Variants in PDE10A observed in about 807,000 individuals in gnomAD.
The protein encoded by PDE10A is cAMP and cAMP-inhibited cGMP 3',5'-cyclic phosphodiesterase 10A.
A neutral mutation model predicts 97.7 loss-of-function variants in PDE10A; 39 were observed. The observed-to-expected ratio is 0.40, with a 90% CI of 0.31 to 0.52. The LOEUF is 0.52. Among genes scored for constraint, PDE10A ranks in the 20% least tolerant of loss-of-function variants. The probability of loss-of-function intolerance (pLI) is 0.56; values close to 1 mark genes in which losing one functional copy is unlikely to be tolerated. For missense variants in PDE10A, 731 were observed against 1,047.8 expected, an observed-to-expected ratio of 0.70 and a Z score of 4.17; for synonymous variants, 371 against 376.8, an observed-to-expected ratio of 0.98 and a Z score of 0.18.
rs973879600 is a variant in PDE10A at position 165,794,967 on chromosome 6, A to T, written c.-615+192562T>A. On this transcript the variant is annotated intron_variant, in intron 1 of 19. Coordinates refer to the PDE10A transcript ENST00000366882. ...CAATCCTATTATAGAAAAATATTCA[A>T]ATTATATAGATACTCTATTATAAAA... Among the ~76,000 whole-genome samples the T allele has an allele frequency of 3.9e-5, 6 of 152,376 alleles. No individual in the cohort carries two copies. The South Asian group carries it at 1.2e-3, about 32-fold the overall frequency.
At chr6:165,429,265 T>C (rs1298299733) in intron 9 of PDE10A, among the ~76,000 whole-genome samples, 1 of 151,962 alleles carries the variant, frequency 6.6e-6, no homozygotes, top group Non-Finnish European at 1.5e-5. Flanking sequence ...AGCGAGTAAA[T>C]GTTTCAGAGG....
At chr6:165,464,023 A>T (rs1778487944) in intron 3 of PDE10A, among the ~76,000 whole-genome samples, 1 of 152,206 alleles carries the variant, frequency 6.6e-6, no homozygotes. Context: ...GCTTGCTGTT[A>T]ATAAATATGT....
chr6:165,460,477 A>T (rs903428872), intron 3 of PDE10A, among the ~76,000 whole-genome samples: 2 of 152,228 alleles, frequency 1.3e-5, no homozygotes, highest in African/African-American at 4.8e-5. Context: ...CTTATTGGGT[A>T]AATCAAATTG....
At chr6:165,960,570 G>A (rs755198366) in intron 1 of PDE10A, among the ~76,000 whole-genome samples, 1 of 152,220 alleles carries the variant, frequency 6.6e-6, no homozygotes, top group Non-Finnish European at 1.5e-5. Flanking sequence ...AGACAAGCCT[G>A]TAGTCTTGAA....
intron 1 of PDE10A, among the ~76,000 whole-genome samples, chr6:165,644,885 T>C (rs1789313552): frequency 6.6e-6 from 1 of 152,212 alleles, no homozygotes. Flanking sequence ...TTGTCTGGAT[T>C]TACGTTGATC....
chr6:165,578,158 C>T (rs1319065437), intron 1 of PDE10A, among the ~76,000 whole-genome samples: 4 of 152,266 alleles, frequency 2.6e-5, no homozygotes, highest in East Asian at 1.9e-4. Flanking sequence ...ATGCTCAGGG[C>T]GGCCAGCCTC....
intron 1 of PDE10A, among the ~76,000 whole-genome samples, chr6:165,640,961 T>A (rs571792782): frequency 4.6e-5 from 7 of 152,350 alleles, no homozygotes; most frequent in South Asian, 4.1e-4. Flanking sequence ...CACTATATAG[T>A]GTCCATGCAG....
At chr6:165,878,373 G>A (rs907200750) in intron 1 of PDE10A, among the ~76,000 whole-genome samples, 16 of 152,298 alleles carry the variant, frequency 1.1e-4, no homozygotes, top group Non-Finnish European at 2.2e-4. Flanking sequence ...ACTATCATCA[G>A]GGATTATTTT....
intron 1 of PDE10A, among the ~76,000 whole-genome samples, chr6:165,623,244 G>C (rs993274932): frequency 1.3e-5 from 2 of 151,996 alleles, no homozygotes; most frequent in African/African-American, 4.8e-5. Flanking sequence ...TCCTGCCTCA[G>C]CCTCCCGAGT....
intron 1 of PDE10A, among the ~76,000 whole-genome samples, chr6:165,813,386 A>G (rs903748045): frequency 2.0e-5 from 3 of 147,750 alleles, no homozygotes; most frequent in African/African-American, 5.0e-5. Flanking sequence ...TGGGAACCGC[A>G]TATGTTATGG....
chr6:165,699,924 GGAA>G (rs1256830734), intron 1 of PDE10A, among the ~76,000 whole-genome samples: 8 of 151,874 alleles, frequency 5.3e-5, no homozygotes, highest in African/African-American at 1.9e-4. Context: ...TTAAGACACA[GGAA>G]GAAGAAGAGC....
intron 16 of PDE10A, among the ~76,000 whole-genome samples, chr6:165,391,399 A>G (rs1017703227): frequency 1.3e-5 from 2 of 152,194 alleles, no homozygotes; most frequent in African/African-American, 4.8e-5. Flanking sequence ...TTTTGAATAT[A>G]AATTACAATG....
At chr6:165,709,756 A>C (rs891722919) in intron 1 of PDE10A, among the ~76,000 whole-genome samples, 1 of 135,736 alleles carries the variant, frequency 7.4e-6, no homozygotes, top group Non-Finnish European at 1.5e-5. Context: ...TCCCTCTGCG[A>C]GCCGCAACCA....
intron 12 of PDE10A, 107 bp downstream of exon 12, chr6:165,416,082 A>G (rs1788289289): frequency 1.4e-6 from 1 of 736,718 alleles, no homozygotes; most frequent in South Asian, 1.6e-5. Context: ...CTAAGGAAGA[A>G]AGAACTGAAT....
Position 165,819,720 on chromosome 6 carries a change from C to G in PDE10A, c.-615+167809G>C, listed in dbSNP as rs1334578209. Among the ~76,000 whole-genome samples the G allele has an allele frequency of 6.6e-6, 1 of 152,194 alleles. No individual in the cohort carries two copies. Among genetic ancestry groups the G allele is most frequent in the Non-Finnish European group, 1.5e-5 (1 of 68,040 alleles). On this transcript the variant is annotated intron_variant, in intron 1 of 19. Transcript: ENST00000366882. The surrounding 1 kb of genome is among the most constrained non-coding windows in gnomAD (Gnocchi z 4.2). Reference sequence around the variant, plus strand: ...CTGTGCACCACGTACTCCTCACCCGCCCTCCCGCTGTGAGCACATTCCGGC... The same window carrying G: ...CTGTGCACCACGTACTCCTCACCCGGCCTCCCGCTGTGAGCACATTCCGGC...
intron 1 of PDE10A, among the ~76,000 whole-genome samples, chr6:165,901,666 G>T (rs1453764617): frequency 6.6e-6 from 1 of 152,162 alleles, no homozygotes; most frequent in Non-Finnish European, 1.5e-5. Context: ...GCCACGCATG[G>T]TGGCACATGC....
chr6:165,621,380 T>C (rs772584026), intron 1 of PDE10A, among the ~76,000 whole-genome samples: 9 of 152,090 alleles, frequency 5.9e-5, no homozygotes, highest in Non-Finnish European at 1.2e-4. Context: ...AAGTCAAACC[T>C]ATTCTTTCTG....
At chr6:165,578,820 CT>C (rs1278077913) in intron 1 of PDE10A, among the ~76,000 whole-genome samples, 1 of 152,204 alleles carries the variant, frequency 6.6e-6, no homozygotes, top group Non-Finnish European at 1.5e-5. Flanking sequence ...AATGAAACCA[CT>C]GCTGCTCCCC....
chr6:165,978,616 G>C lies in PDE10A; in HGVS notation c.-615+8913C>G, dbSNP rs144411677. 3.7e-3 allele frequency among the ~76,000 whole-genome samples: 565 copies of C among 152,292 alleles called. 2 individuals carry two copies. Among genetic ancestry groups the C allele is most frequent in the African/African-American group, 0.013 (531 of 41,570 alleles). ...ATTTGGGATTTCTGAAAGTGGCCTA[G>C]ATGCTTCAAAAATGTCAATGTCCTG... On this transcript the variant is annotated intron_variant, in intron 1 of 19. Transcript: ENST00000366882.
Sources: gnomAD v4.1 joint callset for allele counts (sites outside exome capture counted in the v4.1 genomes callset) on GRCh38, gnomAD v4.1.1 for gene constraint, Gnocchi (gnomAD v3.1) non-coding constraint, MANE v1.5 for transcripts, NCBI Gene and HGNC (gene_info 2026-07-23, HGNC 2026-07-21) for gene names.